CD109: variants seen among roughly 807,000 people sequenced by gnomAD.
CD109 encodes the protein CD109 molecule.
CD109 carries 149 observed loss-of-function variants against 165.8 expected under a neutral mutation model. That is an observed-to-expected ratio of 0.90 (90% CI 0.79 to 1.03). CD109 has a LOEUF of 1.03. Among genes scored for constraint, CD109 ranks in the 50% least tolerant of loss-of-function variants. The probability of loss-of-function intolerance (pLI) is 0.00; values close to 1 mark genes in which losing one functional copy is unlikely to be tolerated. For missense variants in CD109, 1,712 were observed against 1,677.8 expected, an observed-to-expected ratio of 1.02 and a Z score of -0.36; for synonymous variants, 585 against 592.1, an observed-to-expected ratio of 0.99 and a Z score of 0.18.
At chr6:73,729,491 G>GTTATTA (rs144709719) in intron 3 of CD109, among the ~76,000 whole-genome samples, 2,140 of 142,008 alleles carry the variant, frequency 0.015, 21 homozygotes, top group East Asian at 0.03. Context: ...GACTTCTATT[G>GTTATTA]TTATTATTAT....
chr6:73,803,689 TTGTGTG>T (rs71000156), intron 24 of CD109, among the ~76,000 whole-genome samples: 1 of 149,410 alleles, frequency 6.7e-6, no homozygotes. Flanking sequence ...TAGTTTAAGT[TTGTGTG>T]TGTGTGTGTG....
Position 73,782,607 on chromosome 6 carries a change from T to C in CD109, c.1964-7T>C, listed in dbSNP as rs1025835303. 1.2e-6 allele frequency: 2 copies of C among 1,610,276 alleles called. No homozygotes were observed. The highest frequency in any genetic ancestry group is 2.2e-5 in the East Asian group (1 of 44,788). The stretch of plus-strand genomic sequence containing the variant: ...TTTTTCTAACTACTGTCAATGTTTA[T>C]TTATAGATGACAATGCAGAATATGC... On this transcript the variant is annotated splice_region_variant and splice_polypyrimidine_tract_variant and intron_variant, in intron 17 of 32. Coordinates refer to ENST00000287097, the MANE Select transcript of CD109 (RefSeq NM_133493.5).
chr6:73,692,133 G>A (rs998905962), upstream of CD109, among the ~76,000 whole-genome samples: 18 of 152,068 alleles, frequency 1.2e-4, no homozygotes, highest in Non-Finnish European at 2.2e-4. Flanking sequence ...CTGCCCCCAT[G>A]ATTCAATCAC....
chr6:73,763,711 C>A, intron 10 of CD109, 26 bp downstream of exon 10: 4 of 1,165,328 alleles, frequency 3.4e-6, no homozygotes, highest in Non-Finnish European at 5.0e-6. Context: ...TATTTCCAGT[C>A]CATAGCAGTA....
intron 26 of CD109, 111 bp downstream of exon 26, chr6:73,808,359 A>C: frequency 9.5e-7 from 1 of 1,054,604 alleles, no homozygotes; most frequent in Non-Finnish European, 1.4e-6. Context: ...TTTTGGTGAA[A>C]AGTAAAACAC....
intron 3 of CD109, 148 bp downstream of exon 3, chr6:73,723,427 T>G (rs1772032271): frequency 3.0e-6 from 2 of 658,820 alleles, no homozygotes; most frequent in Non-Finnish European, 5.2e-6. Flanking sequence ...TCAGATTATT[T>G]ATGAATAATA....
upstream of CD109, chr6:73,693,896 T>C (rs1295006929): frequency 6.6e-6 from 1 of 152,348 alleles, no homozygotes; most frequent in African/African-American, 2.4e-5. Context: ...CTTTTCTTTT[T>C]TTTTTTGAGA....
intron 14 of CD109, 147 bp downstream of exon 14, chr6:73,768,378 A>G (rs541217332): frequency 1.5e-5 from 9 of 587,202 alleles, no homozygotes; most frequent in South Asian, 1.4e-4. Flanking sequence ...AAACTTTTCA[A>G]TATTTAGCAT....
intron 23 of CD109, among the ~76,000 whole-genome samples, chr6:73,798,114 T>G (rs1221684984): frequency 6.6e-6 from 1 of 151,372 alleles, no homozygotes; most frequent in Admixed American, 6.6e-5. Context: ...TGTCCTGTTT[T>G]TTTTTTTTTC....
At chr6:73,803,689 T>TTTTGTGTG (rs1775464347) in intron 24 of CD109, among the ~76,000 whole-genome samples, 1 of 149,412 alleles carries the variant, frequency 6.7e-6, no homozygotes, top group Non-Finnish European at 1.5e-5. Context: ...TAGTTTAAGT[T>TTTTGTGTG]TGTGTGTGTG....
chr6:73,794,238 G>A (rs773775317), intron 23 of CD109, among the ~76,000 whole-genome samples: 1 of 152,166 alleles, frequency 6.6e-6, no homozygotes, highest in Non-Finnish European at 1.5e-5. Flanking sequence ...GCACAGAGAG[G>A]TTAAAGAATT....
upstream of CD109, among the ~76,000 whole-genome samples, chr6:73,692,074 C>A (rs1403037512): frequency 6.6e-6 from 1 of 152,020 alleles, no homozygotes; most frequent in Non-Finnish European, 1.5e-5. Flanking sequence ...TTTAAACAAC[C>A]AGATCTCATG....
At chr6:73,685,591 C>T in the CD109 span, among the ~76,000 whole-genome samples, 13 of 152,000 alleles carry the variant, frequency 8.6e-5, no homozygotes, top group South Asian at 4.2e-4. Context: ...GGGGTACAGG[C>T]GGTTTTTGGT....
At chr6:73,766,678 A>C in intron 11 of CD109, 81 bp from the exon 12 acceptor site, 2 of 1,007,652 alleles carry the variant, frequency 2.0e-6, no homozygotes, top group Non-Finnish European at 3.0e-6. Context: ...TTTGGTCTTT[A>C]ATAATTGTTC....
intron 5 of CD109, among the ~76,000 whole-genome samples, chr6:73,755,956 G>A (rs1404045115): frequency 6.6e-6 from 1 of 151,962 alleles, no homozygotes; most frequent in Non-Finnish European, 1.5e-5. Flanking sequence ...GTGAGACCCT[G>A]TCTGAAAAAA....
chr6:73,808,483 A>G (rs1426520898), intron 26 of CD109, among the ~76,000 whole-genome samples: 1 of 152,042 alleles, frequency 6.6e-6, no homozygotes, highest in Admixed American at 6.6e-5. Context: ...GTGATGCCCT[A>G]TGTCAGTTAC....
At chr6:73,763,905 T>C (rs1773737205) in intron 10 of CD109, among the ~76,000 whole-genome samples, 1 of 152,146 alleles carries the variant, frequency 6.6e-6, no homozygotes, top group Non-Finnish European at 1.5e-5. Context: ...TTTTTGAAAA[T>C]GTATTTTTTT....
Position 73,762,774 on chromosome 6 carries a change from G to A in CD109, c.889G>A (p.Glu297Lys). 1 of 1,607,594 alleles carries A rather than the reference G, an allele frequency of 6.2e-7. No individual in the cohort carries two copies. The highest frequency in any genetic ancestry group is 1.1e-5 in the South Asian group (1 of 90,698). ...NGSANFSFNDEEMKNVMDSSN... is the reference protein window; with the variant it reads ...NGSANFSFNDKEMKNVMDSSN... ...ATCTGCAAACTTCTCTTTTAATGAT[G>A]AAGAGATGAAAAATGTAATGGATTC... The change falls in exon 9 of 33, where the codon GAA becomes AAA. Residue 297 changes from glutamate to lysine, a missense_variant. Physicochemically the swap from Glu to Lys is moderately conservative, Grantham distance 56 (BLOSUM62 1). Coordinates refer to ENST00000287097, the MANE Select transcript of CD109 (RefSeq NM_133493.5).
Position 73,809,992 on chromosome 6 carries a change from C to T in CD109, c.3364C>T (p.Gln1122Ter), listed in dbSNP as rs1322072216. 1.3e-6 allele frequency: 2 copies of T among 1,585,382 alleles called. No homozygotes were observed. Among genetic ancestry groups the T allele is most frequent in the Non-Finnish European group, 1.7e-6 (2 of 1,169,996 alleles). ...TTACTTTTCTCTTGCAGGTGGCATG[C>T]AATTCTGGGTGTCATCAGAGTCCAA... ...TWRAEQEGGM[Q>*]FWVSSESKLS... The change falls in exon 27 of 33, where the codon CAA (glutamine) becomes TAA (stop). Residue 1122 changes from glutamine (Q) to a stop codon, truncating the protein, a stop_gained. Coordinates refer to ENST00000287097, the MANE Select transcript of CD109 (RefSeq NM_133493.5). LOFTEE classifies it high-confidence loss of function.
Sources: allele counts gnomAD v4.1 joint callset (sites outside exome capture counted in the v4.1 genomes callset), GRCh38; gene constraint gnomAD v4.1.1; transcripts MANE v1.5; gene names NCBI Gene and HGNC (gene_info 2026-07-23, HGNC 2026-07-21).